SRRD: variants seen among roughly 807,000 people sequenced by gnomAD.
SRRD encodes the protein SRR1-like protein.
A neutral mutation model predicts 30.7 loss-of-function variants in SRRD; 28 were observed. The ratio of observed to expected loss-of-function variants is 0.91; its 90% CI spans 0.68 to 1.25. The LOEUF is 1.25. Among genes scored for constraint, SRRD ranks in the 50% most tolerant of loss-of-function variants. The pLI, the probability that SRRD is intolerant of heterozygous loss-of-function variation, is 0.00. For synonymous variants in SRRD, 161 were observed against 159.6 expected, an observed-to-expected ratio of 1.01 and a Z score of -0.07; for missense variants, 415 against 417.3, an observed-to-expected ratio of 0.99 and a Z score of 0.05.
chr22:26,488,407 T>C lies in SRRD; in HGVS notation c.528T>C (p.Cys176=). 1 of 1,614,216 alleles carries C rather than the reference T, an allele frequency of 6.2e-7. No individual in the cohort carries two copies. Among genetic ancestry groups the C allele is most frequent in the Non-Finnish European group, 8.5e-7 (1 of 1,180,006 alleles). ...LEKCQIPRSH[C]WVYDPLFSQL... ...CCTTCTAGATTCCCAGAAGTCACTG[T>C]TGGGTATATGACCCTCTGTTTAGCC... Residue 176 remains cysteine (C), a synonymous_variant, in exon 4 of 7, where the codon TGT becomes TGC. Coordinates refer to ENST00000215917, the MANE Select transcript of SRRD (RefSeq NM_001013694.3).
At chr22:26,485,675 A>G (rs771592293) in intron 1 of SRRD, among the ~76,000 whole-genome samples, 3 of 152,168 alleles carry the variant, frequency 2.0e-5, no homozygotes, top group Non-Finnish European at 4.4e-5. Flanking sequence ...CATTTTAGAG[A>G]TGAGGAAACT....
rs1602194079 is a variant in SRRD, at chr22:26,494,084, T to C, written c.*2412T>C. ...AAACTCTGATTCTGTGTCATTTACA[T>C]GTGTAAAATCTGAAACTTGGGGCCA... On this transcript the variant is annotated 3_prime_UTR_variant, in exon 7 of 7. Transcript: ENST00000215917. 3.8e-6 allele frequency: 6 copies of C among 1,592,224 alleles called. No homozygotes were observed. The East Asian group carries it at 6.7e-5, about 18-fold the overall frequency.
At position 26,485,906 on chromosome 22, in the gene SRRD, G is replaced by A. The variant is rs2091705281; in HGVS notation, c.210-117G>A. 5.3e-6 allele frequency: 6 copies of A among 1,132,810 alleles called. No individual in the cohort carries two copies. The South Asian group carries it at 8.0e-5, about 15-fold the overall frequency. 70.2% of individuals were successfully genotyped at this position (1,132,810 alleles called of 1,614,324 possible). A position where few individuals can be genotyped will look rare whatever the true frequency, so the allele number is the denominator to read the frequency against. ...CCCCTCCTATCACTTGGTAAGGGTG[G>A]GCCCTGCATTGCAGGGCACCTCATT... On this transcript the variant is annotated intron_variant, in intron 1 of 6. Coordinates refer to ENST00000215917, the MANE Select transcript of SRRD (RefSeq NM_001013694.3).
chr22:26,488,241 G>A lies in SRRD; in HGVS notation c.463G>A (p.Ala155Thr), dbSNP rs1175044590. ...TGGGAACTTTGCCACCTGCATCGTAGCTAGAAACCAGCTAACGTTTTTGCT... is the reference window on the plus strand; with the variant it reads ...TGGGAACTTTGCCACCTGCATCGTAACTAGAAACCAGCTAACGTTTTTGCT... The part of the protein sequence containing the change: ...GIGNFATCIV[A>T]RNQLTFLLLL... Residue 155 changes from alanine (A) to threonine (T), a missense_variant, in exon 3 of 7, where the codon GCT becomes ACT. Transcript: ENST00000215917. 6.2e-7 allele frequency: 1 copy of A among 1,614,086 alleles called. No individual in the cohort carries two copies. The highest frequency in any genetic ancestry group is 1.3e-5 in the African/African-American group (1 of 74,944).
intron 5 of SRRD, 23 bp from the exon 6 acceptor site, chr22:26,491,002 T>C (rs757408609): frequency 6.2e-7 from 1 of 1,603,996 alleles, no homozygotes; most frequent in Admixed American, 1.7e-5. Context: ...TTTTTTGTTT[T>C]TTTGGTTTTT....
intron 4 of SRRD, 91 bp from the exon 5 acceptor site, chr22:26,489,953 C>A: frequency 1.4e-6 from 2 of 1,437,922 alleles, no homozygotes; most frequent in South Asian, 1.3e-5. Flanking sequence ...TTTAGTTTGT[C>A]TCATGATTAT....
rs1402601787 is a variant in SRRD, at chr22:26,483,880, G to A, written c.-11G>A. ...GCCGAGTGCGCCGCACGCCGCTGAC[G>A]TCAGAGACCAATGGCTGCGGCCGCA... On this transcript the variant is annotated 5_prime_UTR_variant, in exon 1 of 7. Transcript: ENST00000215917. 3 of 1,349,766 alleles carry A rather than the reference G, an allele frequency of 2.2e-6. No homozygotes were observed. The highest frequency in any genetic ancestry group is 1.9e-5 in the South Asian group (1 of 53,616). 83.6% of individuals were successfully genotyped at this position (1,349,766 alleles called of 1,614,324 possible).
intron 5 of SRRD, among the ~76,000 whole-genome samples, chr22:26,490,558 G>GTTTTTTTT (rs1491237870): frequency 1.6e-3 from 41 of 25,688 alleles, no homozygotes; most frequent in South Asian, 6.1e-3. Context: ...TGGAATATTT[G>GTTTTTTTT]CTTTTTTTTT....
Position 26,491,746 on chromosome 22 carries a change from G to A in SRRD, c.*74G>A. On this transcript the variant is annotated 3_prime_UTR_variant, in exon 7 of 7. Coordinates refer to ENST00000215917, the MANE Select transcript of SRRD (RefSeq NM_001013694.3). ...AGACTAAAGGGAAGGCTGCTATGGA[G>A]GAACTACAGAGAACTCCTTTGCCAG... 7.3e-7 allele frequency: 1 copy of A among 1,371,418 alleles called. No homozygotes were observed. Among genetic ancestry groups the A allele is most frequent in the Non-Finnish European group, 1.0e-6 (1 of 994,690 alleles). 85.0% of individuals were successfully genotyped at this position (1,371,418 alleles called of 1,614,324 possible).
chr22:26,488,260 T>G lies in SRRD; in HGVS notation c.482T>G (p.Phe161Cys), dbSNP rs1164987926. ...ATCGTAGCTAGAAACCAGCTAACGT[T>G]TTTGCTGCTTTTGTTGGAAAAGTGC... ...TCIVARNQLTFLLLLLEKCQI... is the reference protein window; with the variant it reads ...TCIVARNQLTCLLLLLEKCQI... The change falls in exon 3 of 7, where the codon TTT becomes TGT. Residue 161 changes from phenylalanine to cysteine, a missense_variant. Transcript: ENST00000215917. The G allele has an allele frequency of 6.2e-7, 1 of 1,613,978 alleles. No homozygotes were observed. Among genetic ancestry groups the G allele is most frequent in the Admixed American group, 1.7e-5 (1 of 60,008 alleles).
At position 26,492,531 on chromosome 22, in the gene SRRD, C is replaced by T; in HGVS notation, c.*859C>T. 1.6e-6 allele frequency: 1 copy of T among 625,972 alleles called. No individual in the cohort carries two copies. Among genetic ancestry groups the T allele is most frequent in the Non-Finnish European group, 2.8e-6 (1 of 356,624 alleles). The allele number at this position is 625,972 out of a possible 1,614,324, so 38.8% of individuals were successfully genotyped here. A position where few individuals can be genotyped will look rare whatever the true frequency, so the allele number is the denominator to read the frequency against. On this transcript the variant is annotated 3_prime_UTR_variant, in exon 7 of 7. Transcript: ENST00000215917. ...CTTTGGAGGAAGTTTAGACGACTGGCCAGTATCACATAAAAACTGTTCAGA... is the reference window on the plus strand; with the variant it reads ...CTTTGGAGGAAGTTTAGACGACTGGTCAGTATCACATAAAAACTGTTCAGA...
intron 4 of SRRD, among the ~76,000 whole-genome samples, 186 bp downstream of exon 4, chr22:26,488,674 C>T (rs1419894245): frequency 6.6e-6 from 1 of 152,210 alleles, no homozygotes; most frequent in African/African-American, 2.4e-5. Flanking sequence ...TTGTGTTGTG[C>T]CCATCAGAAA....
In SRRD at chr22:26,490,044, G is replaced by T. The variant is rs775837405; in HGVS notation, c.610G>T (p.Glu204Ter). Residue 204 changes from glutamate (E) to a stop codon, truncating the protein, a stop_gained and splice_region_variant, in exon 5 of 7, where the codon GAA becomes TAA. Transcript: ENST00000215917. LOFTEE classifies it high-confidence loss of function. ...LGVTVLSENE[E>*]GKRSIRGEPT... ...ACACCTGTGAATATCGTATCCCCAG[G>T]AAGGGAAACGGAGTATTCGCGGGGA... 1.8e-5 allele frequency: 29 copies of T among 1,613,806 alleles called. No homozygotes were observed. Among genetic ancestry groups the T allele is most frequent in the Non-Finnish European group, 2.5e-5 (29 of 1,179,878 alleles).
chr22:26,491,029 T>C lies in SRRD; in HGVS notation c.769T>C (p.Leu257=). 6.2e-7 allele frequency: 1 copy of C among 1,612,374 alleles called. No individual in the cohort carries two copies. Among genetic ancestry groups the C allele is most frequent in the Non-Finnish European group, 8.5e-7 (1 of 1,179,522 alleles). Residue 257 remains leucine, a synonymous_variant, in exon 6 of 7, where the codon TTG becomes CTG. Transcript: ENST00000215917. ...NSFKGLEERL[L]ARILQKNYPY... Reference sequence around the variant, plus strand: ...TTGGTTTTTTTTAATTTCTAGGTTGTTGGCAAGGATTCTGCAGAAAAATTA... The same window carrying C: ...TTGGTTTTTTTTAATTTCTAGGTTGCTGGCAAGGATTCTGCAGAAAAATTA...
At position 26,494,351 on chromosome 22, in the gene SRRD, G is replaced by A; in HGVS notation, c.*2679G>A. The A allele has an allele frequency of 6.2e-7, 1 of 1,612,466 alleles. No homozygotes were observed. Among genetic ancestry groups the A allele is most frequent in the East Asian group, 2.2e-5 (1 of 44,876 alleles). On this transcript the variant is annotated 3_prime_UTR_variant, in exon 7 of 7. Coordinates refer to ENST00000215917, the MANE Select transcript of SRRD (RefSeq NM_001013694.3). The stretch of plus-strand genomic sequence containing the variant: ...TGCATCCATCGTGGCAACAAATGAA[G>A]GCAAGATTTCTGAAGTGGCCATTTG...
rs66831137 is a variant in SRRD at position 26,483,980 on chromosome 22, GGAGGCGGCGCCCCGGGGGAGA to G, written c.129_149del (p.Arg44_Gly50del). 1,162,662 of 1,332,650 alleles carry G rather than the reference GGAGGCGGCGCCCCGGGGGAGA, an allele frequency of 0.87. 520,703 individuals are homozygous for G. Among genetic ancestry groups the G allele is most frequent in the Middle Eastern group, 0.89 (3,238 of 3,626 alleles). The allele number at this position is 1,332,650 out of a possible 1,614,324, so 82.6% of individuals were successfully genotyped here. ...CCGCGGCTCGACGGCCGCGGCGGAG[GGAGGCGGCGCCCCGGGGGAGA>G]GAGGCGGCGCCCCGGGGGAGAGAGG... On this transcript the variant is annotated inframe_deletion, in exon 1 of 7. Coordinates refer to ENST00000215917, the MANE Select transcript of SRRD (RefSeq NM_001013694.3).
Position 26,488,062 on chromosome 22 carries a change from A to T in SRRD, c.284A>T (p.Glu95Val), listed in dbSNP as rs373205226. The T allele has an allele frequency of 2.1e-5, 34 of 1,612,990 alleles. No homozygotes were observed. The highest frequency in any genetic ancestry group is 2.7e-5 in the Non-Finnish European group (32 of 1,179,540). ...AATAGATGTCTCACAAAACATCTGG[A>T]ACAACTGAAGGCCCCTGTGGGGACT... Reference protein sequence around the residue: ...TINRCLTKHLEQLKAPVGTLS... With the variant: ...TINRCLTKHLVQLKAPVGTLS... Residue 95 changes from glutamate to valine, a missense_variant, in exon 3 of 7, where the codon GAA (glutamate) becomes GTA (valine). Physicochemically the swap from Glu to Val is moderately radical, Grantham distance 121. Coordinates refer to ENST00000215917, the MANE Select transcript of SRRD (RefSeq NM_001013694.3).
chr22:26,484,052 G>T lies in SRRD; in HGVS notation c.162G>T (p.Glu54Asp). ...CGGCGCCCCGGGGCCCCGAGGCGGA[G>T]TTCGAGTCTGACAGCGGAGTCGTGC... ...REAAPRGPEA[E>D]FESDSGVVLR... Residue 54 changes from glutamate to aspartate, a missense_variant, in exon 1 of 7, where the codon GAG becomes GAT. By Grantham distance (45) the Glu-to-Asp change is conservative. Coordinates refer to ENST00000215917, the MANE Select transcript of SRRD (RefSeq NM_001013694.3). 6.8e-7 allele frequency: 1 copy of T among 1,466,080 alleles called. No individual in the cohort carries two copies. The allele number at this position is 1,466,080 out of a possible 1,614,324, so 90.8% of individuals were successfully genotyped here.
intron 4 of SRRD, among the ~76,000 whole-genome samples, chr22:26,488,960 C>A (rs897384099): frequency 6.6e-6 from 1 of 152,168 alleles, no homozygotes; most frequent in South Asian, 2.1e-4. Flanking sequence ...TTTGCACCCC[C>A]CAAAATAGCT....
Sources: allele counts gnomAD v4.1 joint callset (sites outside exome capture counted in the v4.1 genomes callset), GRCh38; gene constraint gnomAD v4.1.1; transcripts MANE v1.5; gene names NCBI Gene and HGNC (gene_info 2026-07-23, HGNC 2026-07-21).